Variants in PPEF1 observed in about 807,000 individuals in gnomAD.
PPEF1 encodes protein phosphatase with EF-hand domain 1, also known as serine/threonine-protein phosphatase with EF-hands 1.
In PPEF1, 12 loss-of-function variants were observed where a neutral mutation model predicts 53.3. The ratio of observed to expected loss-of-function variants is 0.23; its 90% CI spans 0.14 to 0.36. The LOEUF (loss-of-function observed/expected upper bound fraction) is 0.36, where lower values mean the gene tolerates loss of function less well. Ranked by LOEUF, PPEF1 falls within the 10% of genes least tolerant of loss-of-function variation. The probability of loss-of-function intolerance (pLI) is 1.00; values close to 1 mark genes in which losing one functional copy is unlikely to be tolerated. For missense variants in PPEF1, 334 were observed against 490.4 expected (o/e 0.68, Z 3.01); for synonymous variants, 165 against 176.7 (o/e 0.93, Z 0.52).
chrX:18,730,108 TGAAGCACC>T, intron 1 of PPEF1, 65 bp from the exon 2 acceptor site: 1 of 1,061,262 alleles, frequency 9.4e-7, no homozygotes, highest in Non-Finnish European at 1.3e-6. Context: ...TTTTTTCCAC[TGAAGCACC>T]TACTTCTCCT....
chrX:18,763,980 C>T (rs927273698), intron 6 of PPEF1, among the ~76,000 whole-genome samples: 1 of 111,493 alleles, frequency 9.0e-6, no homozygotes, highest in African/African-American at 3.3e-5. Flanking sequence ...ACATCAGCCA[C>T]AGAATCTAAG....
intron 2 of PPEF1, among the ~76,000 whole-genome samples, chrX:18,733,123 T>G (rs952778762): frequency 9.0e-6 from 1 of 111,555 alleles, no homozygotes; most frequent in African/African-American, 3.3e-5. Flanking sequence ...GGAGAATCGC[T>G]TGATCCGGGG....
intron 6 of PPEF1, among the ~76,000 whole-genome samples, chrX:18,761,938 A>C: frequency 9.0e-6 from 1 of 111,439 alleles, no homozygotes; most frequent in Non-Finnish European, 1.9e-5. Context: ...CATGTCACAT[A>C]CCAGTCTTCT....
chrX:18,733,190 G>T (rs2044878994), intron 2 of PPEF1, among the ~76,000 whole-genome samples: 1 of 111,530 alleles, frequency 9.0e-6, no homozygotes. Flanking sequence ...TGGGTGACAA[G>T]AGTGAAACTC....
intron 1 of PPEF1, among the ~76,000 whole-genome samples, chrX:18,723,372 A>G (rs2044631565): frequency 8.9e-6 from 1 of 112,028 alleles, no homozygotes; most frequent in Non-Finnish European, 1.9e-5. Context: ...GAGAGAGACA[A>G]TTTTTAAAAA....
At chrX:18,772,318 T>G (rs1299785960) in intron 6 of PPEF1, among the ~76,000 whole-genome samples, 1 of 111,357 alleles carries the variant, frequency 9.0e-6, no homozygotes, top group Non-Finnish European at 1.9e-5. Context: ...CACATATAAG[T>G]GGACCCATGC....
chrX:18,795,978 T>C (rs2046423532), intron 10 of PPEF1, among the ~76,000 whole-genome samples: 1 of 111,869 alleles, frequency 8.9e-6, no homozygotes, highest in African/African-American at 3.2e-5. Context: ...TTTTTTGAGA[T>C]GGAGTCTCAC....
At chrX:18,692,551 T>TA (rs1929461093) in intron 4 of PPEF1, among the ~76,000 whole-genome samples, 1 of 111,970 alleles carries the variant, frequency 8.9e-6, no homozygotes, top group African/African-American at 3.2e-5. Flanking sequence ...TGGGGTTTGT[T>TA]ACATAAAACC....
intron 3 of PPEF1, among the ~76,000 whole-genome samples, chrX:18,741,415 A>C (rs2147421098): frequency 8.9e-6 from 1 of 112,190 alleles, no homozygotes; most frequent in East Asian, 2.8e-4. Context: ...CTGCATTTTA[A>C]AAAATTCCGT....
chrX:18,707,886 C>T, intron 1 of PPEF1, 60 bp downstream of exon 1: 1 of 1,037,295 alleles, frequency 9.6e-7, no homozygotes, highest in Non-Finnish European at 1.3e-6. Flanking sequence ...GCTGCCCTCA[C>T]CCTCTTCTCC....
intron 10 of PPEF1, among the ~76,000 whole-genome samples, chrX:18,795,989 T>A (rs1192825453): frequency 8.9e-6 from 1 of 112,259 alleles, no homozygotes; most frequent in Non-Finnish European, 1.9e-5. Context: ...GGAGTCTCAC[T>A]CTGTCACCCA....
intron 2 of PPEF1, among the ~76,000 whole-genome samples, chrX:18,732,685 A>G (rs1363622305): frequency 9.0e-6 from 1 of 110,831 alleles, no homozygotes; most frequent in Non-Finnish European, 1.9e-5. Context: ...TCCCAGATCT[A>G]CTCCCAGATT....
intron 6 of PPEF1, among the ~76,000 whole-genome samples, chrX:18,776,701 A>T (rs1432012845): frequency 9.0e-6 from 1 of 111,476 alleles, no homozygotes; most frequent in Non-Finnish European, 1.9e-5. Flanking sequence ...TAGGCGGATC[A>T]CCTGAGGTTG....
intron 6 of PPEF1, among the ~76,000 whole-genome samples, chrX:18,778,747 A>C (rs1436482479): frequency 2.7e-5 from 3 of 111,202 alleles, no homozygotes; most frequent in Non-Finnish European, 3.8e-5. Context: ...GGAAACTCAT[A>C]GTAGGTGGTG....
intron 6 of PPEF1, among the ~76,000 whole-genome samples, chrX:18,701,220 C>T (rs941284582): frequency 8.9e-6 from 1 of 112,200 alleles, no homozygotes; most frequent in African/African-American, 3.2e-5. Flanking sequence ...ACTGGTATAG[C>T]ATTCTTTCCG....
chrX:18,799,982 A>G (rs1394299477), intron 10 of PPEF1, among the ~76,000 whole-genome samples: 1 of 111,943 alleles, frequency 8.9e-6, no homozygotes, highest in African/African-American at 3.2e-5. Context: ...CTAGACAGAA[A>G]AAAGAAATGC....
chrX:18,699,143 A>C (rs1012033145), intron 5 of PPEF1, among the ~76,000 whole-genome samples: 3 of 111,252 alleles, frequency 2.7e-5, no homozygotes, highest in Non-Finnish European at 5.7e-5. Flanking sequence ...TAGCAGCCTC[A>C]TCAGGTCCTA....
At chrX:18,742,758 A>T (rs756031617) in intron 3 of PPEF1, among the ~76,000 whole-genome samples, 1 of 110,516 alleles carries the variant, frequency 9.0e-6, no homozygotes, top group African/African-American at 3.3e-5. Flanking sequence ...CTGAGGCACA[A>T]GAATCGCTTG....
chrX:18,801,147 G>A (rs1349016046), intron 10 of PPEF1, among the ~76,000 whole-genome samples: 4 of 111,938 alleles, frequency 3.6e-5, no homozygotes, highest in Non-Finnish European at 7.5e-5. Flanking sequence ...TGCTGATGTT[G>A]GAATTCAGTG....
Sources: gnomAD v4.1 joint callset for allele counts (sites outside exome capture counted in the v4.1 genomes callset) on GRCh38, gnomAD v4.1.1 for gene constraint, MANE v1.5 for transcripts, NCBI Gene and HGNC (gene_info 2026-07-23, HGNC 2026-07-21) for gene names.